Variants in MKX observed in about 807,000 individuals in gnomAD.
MKX encodes the protein mohawk homeobox.
In MKX, 13 loss-of-function variants were observed where a neutral mutation model predicts 36.0. That is an observed-to-expected ratio of 0.36 (90% CI 0.24 to 0.57). The LOEUF (loss-of-function observed/expected upper bound fraction) is 0.57. Ranked by LOEUF, MKX falls within the 20% of genes least tolerant of loss-of-function variation. The pLI is 0.79. For synonymous variants in MKX, 176 were observed against 178.3 expected (o/e 0.99, Z 0.10); for missense variants, 458 against 456.4 (o/e 1.00, Z -0.03).
intron 5 of MKX, among the ~76,000 whole-genome samples, chr10:27,708,476 A>C (rs1836795376): frequency 6.6e-6 from 1 of 152,214 alleles, no homozygotes; most frequent in Non-Finnish European, 1.5e-5. Flanking sequence ...TCATGGCTGT[A>C]ATCTCAGCAC....
rs1834897589 is a variant in MKX at position 27,741,559 on chromosome 10, A to G, written c.189-55T>C. 2.0e-6 allele frequency: 3 copies of G among 1,514,052 alleles called. No homozygotes were observed. The highest frequency in any genetic ancestry group is 2.2e-5 in the Admixed American group (1 of 44,624). 93.8% of individuals were successfully genotyped at this position (1,514,052 alleles called of 1,614,324 possible). ...GTGAGCGACGCGTTTGCCCGCCCGG[A>G]CGCTCCACGCCCCGGCCAAGCCCGG... On this transcript the variant is annotated intron_variant, in intron 2 of 6. Coordinates refer to ENST00000419761, the MANE Select transcript of MKX (RefSeq NM_173576.3). This position sits in a 1 kb window ranked among gnomAD's most constrained non-coding sequence, Gnocchi z 5.1.
intron 5 of MKX, among the ~76,000 whole-genome samples, chr10:27,678,656 A>G (rs1404003106): frequency 6.6e-6 from 1 of 152,180 alleles, no homozygotes; most frequent in Admixed American, 6.5e-5. Context: ...CCATCAATGC[A>G]TGGAGCCTGC....
chr10:27,681,107 G>A (rs1416490562), intron 5 of MKX, among the ~76,000 whole-genome samples: 1 of 152,200 alleles, frequency 6.6e-6, no homozygotes, highest in Non-Finnish European at 1.5e-5. Flanking sequence ...TCGTAATGTG[G>A]TCATGCCACA....
At chr10:27,677,882 C>T (rs946886237) in intron 5 of MKX, among the ~76,000 whole-genome samples, 3 of 152,294 alleles carry the variant, frequency 2.0e-5, no homozygotes, top group Middle Eastern at 3.4e-3. Flanking sequence ...ACAGTTAGAT[C>T]GTTACCTTCT....
At position 27,742,735 on chromosome 10, in the gene MKX, G is replaced by A. The variant is rs1442311762; in HGVS notation, c.188+493C>T. On this transcript the variant is annotated intron_variant, in intron 2 of 6. Transcript: ENST00000419761. The surrounding 1 kb of genome is among the most constrained non-coding windows in gnomAD (Gnocchi z 4.2). ...GCCGCGCTCACGCCCGGGACTCCCT[G>A]GCGGGAGGCGACCTTCCCGACTCCT... Among the ~76,000 whole-genome samples, 5 of 152,010 alleles carry A rather than the reference G, an allele frequency of 3.3e-5. No homozygotes were observed. The highest frequency in any genetic ancestry group is 7.4e-5 in the Non-Finnish European group (5 of 67,948).
chr10:27,699,874 T>C (rs1836621756), intron 5 of MKX, among the ~76,000 whole-genome samples: 1 of 152,194 alleles, frequency 6.6e-6, no homozygotes, highest in African/African-American at 2.4e-5. Flanking sequence ...GAATTCAGCA[T>C]TCTCCAAGGT....
At chr10:27,740,982 T>C (rs1257625736) in intron 3 of MKX, among the ~76,000 whole-genome samples, 1 of 152,126 alleles carries the variant, frequency 6.6e-6, no homozygotes, top group Non-Finnish European at 1.5e-5. Context: ...TGGGGCCTTG[T>C]AAGAGATGCA....
At chr10:27,718,680 A>G in intron 5 of MKX, 1 of 311,616 alleles carries the variant, frequency 3.2e-6, no homozygotes. Context: ...GACTCCAGTC[A>G]CATTTCAAAA....
At chr10:27,705,013 T>C (rs574951101) in intron 5 of MKX, among the ~76,000 whole-genome samples, 1 of 152,296 alleles carries the variant, frequency 6.6e-6, no homozygotes, top group East Asian at 1.9e-4. Context: ...TCAGAGTCCG[T>C]ATCAAAAGAA....
chr10:27,727,197 C>G (rs1834510115), intron 5 of MKX, among the ~76,000 whole-genome samples: 1 of 152,216 alleles, frequency 6.6e-6, no homozygotes, highest in Non-Finnish European at 1.5e-5. Context: ...AGTTTCTAGG[C>G]TAAACTGCCT....
At chr10:27,701,109 T>A (rs1381274473) in intron 5 of MKX, among the ~76,000 whole-genome samples, 1 of 152,198 alleles carries the variant, frequency 6.6e-6, no homozygotes, top group Non-Finnish European at 1.5e-5. Flanking sequence ...AAGTTTTTAA[T>A]GGATTCACTT....
rs1323540364 is a variant in MKX at position 27,742,554 on chromosome 10, G to T, written c.188+674C>A. On this transcript the variant is annotated intron_variant, in intron 2 of 6. Transcript: ENST00000419761. This position sits in a 1 kb window ranked among gnomAD's most constrained non-coding sequence, Gnocchi z 4.2. ...GGCGCCCGGGGAGCCGCCGGATCGG[G>T]CCAGGCAGAGCCTGCCCTCCACTCA... Among the ~76,000 whole-genome samples, 3 of 151,938 alleles carry T rather than the reference G, an allele frequency of 2.0e-5. No homozygotes were observed. The highest frequency in any genetic ancestry group is 4.4e-5 in the Non-Finnish European group (3 of 67,920).
At chr10:27,743,646 C>G in intron 1 of MKX, 149 bp from the exon 2 acceptor site, 3 of 514,634 alleles carry the variant, frequency 5.8e-6, no homozygotes, top group Non-Finnish European at 1.0e-5. Flanking sequence ...CTGCGGCTCT[C>G]CCCAGTTGGC....
rs1000520805 is a variant in MKX at position 27,685,899 on chromosome 10, G to A, written c.839-10345C>T. On this transcript the variant is annotated intron_variant, in intron 5 of 6. Coordinates refer to ENST00000419761, the MANE Select transcript of MKX (RefSeq NM_173576.3). ...GGTTATCCTCTCTTTGGGACAGTTA[G>A]AGCTTTTGAATGAGTAAAGAGAAAT... Among the ~76,000 whole-genome samples the A allele has an allele frequency of 3.3e-5, 5 of 152,278 alleles. No individual in the cohort carries two copies. The South Asian group carries it at 1.0e-3, about 32-fold the overall frequency.
At chr10:27,676,370 TTTTC>T (rs1046777234) in intron 5 of MKX, among the ~76,000 whole-genome samples, 1 of 150,828 alleles carries the variant, frequency 6.6e-6, no homozygotes, top group Non-Finnish European at 1.5e-5. Flanking sequence ...AAATTTTCTT[TTTTC>T]TTTTTCTTTT....
At chr10:27,681,534 C>A (rs765792539) in intron 5 of MKX, among the ~76,000 whole-genome samples, 1 of 152,116 alleles carries the variant, frequency 6.6e-6, no homozygotes. Context: ...GTACATAATA[C>A]TTGATAATAA....
chr10:27,708,296 T>C (rs539276191), intron 5 of MKX, among the ~76,000 whole-genome samples: 25 of 152,178 alleles, frequency 1.6e-4, no homozygotes, highest in South Asian at 4.1e-4. Context: ...CACTTTTTTT[T>C]CCCTGGTTTA....
At chr10:27,707,842 G>A (rs77623340) in intron 5 of MKX, among the ~76,000 whole-genome samples, 1,737 of 152,202 alleles carry the variant, frequency 0.011, 27 homozygotes, top group Non-Finnish European at 0.018. Context: ...TTTTTAAAAA[G>A]CATATTTTTC....
intron 5 of MKX, among the ~76,000 whole-genome samples, chr10:27,711,427 T>TTCTCTC (rs200251890): frequency 7.8e-6 from 1 of 128,110 alleles, no homozygotes; most frequent in African/African-American, 3.1e-5. Context: ...TTTCTTTCTT[T>TTCTCTC]TCTCTTTCTT....
Sources: allele counts gnomAD v4.1 joint callset (sites outside exome capture counted in the v4.1 genomes callset), GRCh38; gene constraint gnomAD v4.1.1; non-coding constraint Gnocchi (gnomAD v3.1); transcripts MANE v1.5; gene names NCBI Gene and HGNC (gene_info 2026-07-23, HGNC 2026-07-21).